Variants in RFC1 observed in about 807,000 individuals in gnomAD.
RFC1 encodes A1 140 kDa subunit.
A neutral mutation model predicts 137.4 loss-of-function variants in RFC1; 37 were observed. That is an observed-to-expected ratio of 0.27 (90% CI 0.21 to 0.35). The LOEUF is 0.35. Among genes scored for constraint, RFC1 ranks in the 10% least tolerant of loss-of-function variants. The pLI, the probability that RFC1 is intolerant of heterozygous loss-of-function variation, is 1.00. For synonymous variants in RFC1, 429 were observed against 455.7 expected, an observed-to-expected ratio of 0.94 and a Z score of 0.75; for missense variants, 1,205 against 1,358.5, an observed-to-expected ratio of 0.89 and a Z score of 1.78.
At chr4:39,309,205 T>C (rs1738845334) in intron 12 of RFC1, among the ~76,000 whole-genome samples, 173 bp from the exon 13 acceptor site, 1 of 152,168 alleles carries the variant, frequency 6.6e-6, no homozygotes, top group African/African-American at 2.4e-5. Context: ...TTCTAAACTA[T>C]AAAAATTAAC....
At chr4:39,340,803 A>C (rs1740573495) in intron 4 of RFC1, among the ~76,000 whole-genome samples, 1 of 152,178 alleles carries the variant, frequency 6.6e-6, no homozygotes, top group South Asian at 2.1e-4. Flanking sequence ...TCTTCCCTAC[A>C]TCTCAATTCT....
chr4:39,353,039 C>T lies in RFC1; in HGVS notation c.4-1563G>A, dbSNP rs186697716. The stretch of plus-strand genomic sequence containing the variant: ...CCCAAATAAGTGTGACACACACACA[C>T]ACACACACAAATAACTGTGGCTAAG... On this transcript the variant is annotated intron_variant, in intron 1 of 24. Coordinates refer to ENST00000349703, the MANE Select transcript of RFC1 (RefSeq NM_002913.5). Among the ~76,000 whole-genome samples, 33 of 152,222 alleles carry T rather than the reference C, an allele frequency of 2.2e-4. No homozygotes were observed. The East Asian group carries it at 5.4e-3, about 25-fold the overall frequency.
intron 21 of RFC1, among the ~76,000 whole-genome samples, chr4:39,299,440 T>C (rs776632451): frequency 7.3e-5 from 11 of 151,690 alleles, no homozygotes; most frequent in Non-Finnish European, 1.3e-4. Context: ...AGTGAAACCC[T>C]GTCGCTACTA....
intron 1 of RFC1, 143 bp downstream of exon 1, chr4:39,366,095 TG>T (rs1203813484): frequency 1.2e-6 from 1 of 864,550 alleles, no homozygotes; most frequent in Non-Finnish European, 1.7e-6. Context: ...GTGCCCGGTG[TG>T]CGGCCCCTTC....
chr4:39,330,913 A>T (rs963770243), intron 4 of RFC1, among the ~76,000 whole-genome samples: 25 of 152,070 alleles, frequency 1.6e-4, no homozygotes, highest in African/African-American at 5.8e-4. Context: ...ATATACACAC[A>T]CACACACACA....
chr4:39,355,674 A>G (rs1275656259), intron 1 of RFC1, among the ~76,000 whole-genome samples: 1 of 152,222 alleles, frequency 6.6e-6, no homozygotes, highest in Admixed American at 6.5e-5. Context: ...GGGGAAACAG[A>G]TGCTCACGCA....
intron 6 of RFC1, among the ~76,000 whole-genome samples, chr4:39,323,991 T>C (rs925616020): frequency 6.6e-6 from 1 of 152,210 alleles, no homozygotes; most frequent in African/African-American, 2.4e-5. Context: ...TCTACTAACA[T>C]GCTAATGTAA....
intron 2 of RFC1, among the ~76,000 whole-genome samples, chr4:39,351,060 C>A (rs1272580764): frequency 4.6e-5 from 7 of 151,792 alleles, no homozygotes; most frequent in South Asian, 2.1e-4. Flanking sequence ...ACCATCCTGG[C>A]TAACACGGTG....
At position 39,302,323 on chromosome 4, in the gene RFC1, G is replaced by C; in HGVS notation, c.2490C>G (p.Asp830Glu). 6.2e-7 allele frequency: 1 copy of C among 1,613,280 alleles called. No individual in the cohort carries two copies. Among genetic ancestry groups the C allele is most frequent in the African/African-American group, 1.3e-5 (1 of 75,010 alleles). Residue 830 changes from aspartate to glutamate, a missense_variant, in exon 19 of 25, where the codon GAC (aspartate) becomes GAG (glutamate). By Grantham distance (45) the Asp-to-Glu change is conservative. Coordinates refer to ENST00000349703, the MANE Select transcript of RFC1 (RefSeq NM_002913.5). Reference sequence around the variant, plus strand: ...CTCTGTGAGAATCAGCTTTGGCCTGGTCATAGGTTAATGCTTTACTTCGTG... The same window carrying C: ...CTCTGTGAGAATCAGCTTTGGCCTGCTCATAGGTTAATGCTTTACTTCGTG... The part of the protein sequence containing the change: ...WCARSKALTY[D>E]QAKADSHRAK...
At position 39,302,761 on chromosome 4, in the gene RFC1, T is replaced by C; in HGVS notation, c.2316A>G (p.Gln772=). Residue 772 remains glutamine (Q), a synonymous_variant, in exon 17 of 25, where the codon CAA becomes CAG. Transcript: ENST00000349703. ...LVHYCFDLRF[Q]RPRVEQIKGA... ...CCTTAATCTGTTCAACCCGAGGTCTTTGAAAACGAAGATCAAAACAATAAT... is the reference window on the plus strand; with the variant it reads ...CCTTAATCTGTTCAACCCGAGGTCTCTGAAAACGAAGATCAAAACAATAAT... The C allele has an allele frequency of 6.3e-7, 1 of 1,597,392 alleles. No individual in the cohort carries two copies. The highest frequency in any genetic ancestry group is 8.5e-7 in the Non-Finnish European group (1 of 1,175,350).
intron 15 of RFC1, among the ~76,000 whole-genome samples, chr4:39,304,285 G>A (rs2109616402): frequency 6.6e-6 from 1 of 152,274 alleles, no homozygotes; most frequent in Admixed American, 6.5e-5. Context: ...TTTGCACACT[G>A]TCTTCTCTTT....
chr4:39,358,137 T>A (rs1228943154), intron 1 of RFC1, among the ~76,000 whole-genome samples: 1 of 151,876 alleles, frequency 6.6e-6, no homozygotes, highest in Non-Finnish European at 1.5e-5. Flanking sequence ...TAGCCAGGCA[T>A]GGTGGTGCAC....
intron 6 of RFC1, among the ~76,000 whole-genome samples, chr4:39,324,519 A>G (rs901130209): frequency 6.6e-6 from 1 of 152,238 alleles, no homozygotes; most frequent in Non-Finnish European, 1.5e-5. Context: ...ACTCGCTTGT[A>G]GTTTATGTAA....
At chr4:39,365,326 GAA>G in intron 1 of RFC1, 1 of 278,128 alleles carries the variant, frequency 3.6e-6, no homozygotes. Context: ...CCCCCCCCCA[GAA>G]TGTTGTCACT....
chr4:39,315,138 C>A (rs1011485642), intron 10 of RFC1, among the ~76,000 whole-genome samples: 4 of 152,232 alleles, frequency 2.6e-5, no homozygotes, highest in African/African-American at 9.6e-5. Flanking sequence ...CACTCTTCCA[C>A]CCGCTTCCAT....
At chr4:39,314,050 G>C (rs1034849285) in intron 10 of RFC1, among the ~76,000 whole-genome samples, 1 of 152,158 alleles carries the variant, frequency 6.6e-6, no homozygotes, top group Non-Finnish European at 1.5e-5. Flanking sequence ...ATAGAGAATT[G>C]AGATTAATAA....
intron 1 of RFC1, among the ~76,000 whole-genome samples, chr4:39,358,974 T>C (rs2109776508): frequency 6.6e-6 from 1 of 152,270 alleles, no homozygotes; most frequent in South Asian, 2.1e-4. Flanking sequence ...GCCAAATCCA[T>C]CCCATTGCAA....
At chr4:39,342,046 T>TA (rs1740626563) in intron 4 of RFC1, among the ~76,000 whole-genome samples, 1 of 152,218 alleles carries the variant, frequency 6.6e-6, no homozygotes, top group Non-Finnish European at 1.5e-5. Flanking sequence ...AAGCTTGCAT[T>TA]AAAAAAGTAG....
At chr4:39,309,239 G>A (rs1738846992) in intron 12 of RFC1, among the ~76,000 whole-genome samples, 1 of 151,982 alleles carries the variant, frequency 6.6e-6, no homozygotes, top group Non-Finnish European at 1.5e-5. Context: ...ACCACCAAAT[G>A]CAATTTCTAA....
Sources: gnomAD v4.1 joint callset for allele counts (sites outside exome capture counted in the v4.1 genomes callset) on GRCh38, gnomAD v4.1.1 for gene constraint, MANE v1.5 for transcripts, NCBI Gene and HGNC (gene_info 2026-07-23, HGNC 2026-07-21) for gene names.